Variants in NELL1 observed in about 807,000 individuals in gnomAD.
NELL1 encodes neural EGFL like 1, also known as protein kinase C-binding protein NELL1.
A neutral mutation model predicts 107.4 loss-of-function variants in NELL1; 76 were observed. That is an observed-to-expected ratio of 0.71 (90% CI 0.59 to 0.86). The LOEUF (loss-of-function observed/expected upper bound fraction) is 0.86. NELL1 is among the 40% of genes least tolerant of loss of function. NELL1 has a pLI of 0.00. For missense variants in NELL1, 1,024 were observed against 1,005.5 expected, an observed-to-expected ratio of 1.02 and a Z score of -0.25; for synonymous variants, 353 against 341.2, an observed-to-expected ratio of 1.03 and a Z score of -0.38.
At chr11:21,252,899 C>G (rs1483944993) in intron 14 of NELL1, among the ~76,000 whole-genome samples, 3 of 152,046 alleles carry the variant, frequency 2.0e-5, no homozygotes, top group African/African-American at 7.2e-5. Flanking sequence ...CAGCACCTAC[C>G]CCTGATTAAT....
At chr11:21,441,873 C>A (rs1853294448) in intron 15 of NELL1, among the ~76,000 whole-genome samples, 1 of 152,082 alleles carries the variant, frequency 6.6e-6, no homozygotes, top group Non-Finnish European at 1.5e-5. Context: ...ATTTGATTAA[C>A]AAGAGCCTGA....
chr11:21,239,992 A>G (rs925735258), intron 14 of NELL1, among the ~76,000 whole-genome samples: 4 of 152,050 alleles, frequency 2.6e-5, no homozygotes, highest in Non-Finnish European at 4.4e-5. Flanking sequence ...TGCTGGAGCC[A>G]TGGTCTCTGG....
At chr11:20,918,690 T>G (rs977759631) in intron 6 of NELL1, among the ~76,000 whole-genome samples, 2 of 151,970 alleles carry the variant, frequency 1.3e-5, no homozygotes, top group African/African-American at 4.8e-5. Flanking sequence ...AAGAATAGTA[T>G]GGGAGTAACT....
intron 14 of NELL1, among the ~76,000 whole-genome samples, chr11:21,362,134 G>C (rs1242242803): frequency 2.0e-5 from 3 of 152,162 alleles, no homozygotes; most frequent in African/African-American, 7.2e-5. Flanking sequence ...ATTCAGTGGA[G>C]AGGTCTGAAA....
Position 20,925,438 on chromosome 11 carries a change from C to CTT in NELL1, c.760-1852_760-1851dup, listed in dbSNP as rs869078958. On this transcript the variant is annotated intron_variant, in intron 7 of 19. Transcript: ENST00000357134. ...TGGTGGTACCCGCTACCACACCCGG[C>CTT]TTTTTTTTTTTTTTTTTTTGTATTT... is the stretch of plus-strand genomic sequence containing the variant. Among the ~76,000 whole-genome samples the CTT allele has an allele frequency of 5.3e-4, 65 of 122,248 alleles. 2 individuals carry two copies. In the South Asian group the frequency reaches 0.016, roughly 30 times the overall value. 80.2% of individuals were successfully genotyped at this position (122,248 alleles called of 152,430 possible). A position where few individuals can be genotyped will look rare whatever the true frequency, so the allele number is the denominator to read the frequency against.
Position 21,203,988 on chromosome 11 carries a change from C to T in NELL1, c.1427-25344C>T, listed in dbSNP as rs896303694. Among the ~76,000 whole-genome samples the T allele has an allele frequency of 1.1e-4, 17 of 152,336 alleles. No homozygotes were observed. The East Asian group carries it at 2.9e-3, about 26-fold the overall frequency. ...TTCTTTAGAGAGATCCACAGTTAGT[C>T]TGATGGGCTTCCCTTTGTGGGTAAC... On this transcript the variant is annotated intron_variant, in intron 13 of 19. Transcript: ENST00000357134.
chr11:21,527,758 C>T (rs1325034799), intron 15 of NELL1, among the ~76,000 whole-genome samples: 1 of 152,048 alleles, frequency 6.6e-6, no homozygotes, highest in Non-Finnish European at 1.5e-5. Flanking sequence ...TCCAAGAGTC[C>T]AAAAGCTGAA....
chr11:21,132,459 G>A (rs1334809085), intron 13 of NELL1, among the ~76,000 whole-genome samples: 1 of 152,182 alleles, frequency 6.6e-6, no homozygotes, highest in East Asian at 1.9e-4. Context: ...GTACAGAGCG[G>A]TGAGGGATGT....
At chr11:20,907,463 G>A (rs186196626) in intron 5 of NELL1, among the ~76,000 whole-genome samples, 24 of 152,090 alleles carry the variant, frequency 1.6e-4, no homozygotes, top group Non-Finnish European at 2.4e-4. Flanking sequence ...ATAAGCACAT[G>A]AAAAGATACT....
intron 5 of NELL1, among the ~76,000 whole-genome samples, chr11:20,909,161 A>G (rs2134144676): frequency 6.6e-6 from 1 of 152,338 alleles, no homozygotes; most frequent in South Asian, 2.1e-4. Context: ...TTAATGGTTA[A>G]CAGGGGATGG....
intron 15 of NELL1, among the ~76,000 whole-genome samples, chr11:21,403,196 T>G (rs920746184): frequency 4.0e-5 from 6 of 151,684 alleles, no homozygotes; most frequent in African/African-American, 1.5e-4. Context: ...AGGAATTCAA[T>G]CTTTACTGTA....
chr11:21,487,265 G>T (rs1183088989), intron 15 of NELL1, among the ~76,000 whole-genome samples: 2 of 152,082 alleles, frequency 1.3e-5, no homozygotes, highest in African/African-American at 4.8e-5. Context: ...GACTAACTGG[G>T]GATTTCTCAG....
At chr11:21,256,804 C>T (rs981789519) in intron 14 of NELL1, among the ~76,000 whole-genome samples, 5 of 151,832 alleles carry the variant, frequency 3.3e-5, no homozygotes, top group African/African-American at 1.2e-4. Flanking sequence ...AGGATTTGAG[C>T]TCATAGATTG....
chr11:20,967,178 T>A (rs999853343), intron 12 of NELL1, among the ~76,000 whole-genome samples: 1 of 152,142 alleles, frequency 6.6e-6, no homozygotes, highest in Non-Finnish European at 1.5e-5. Flanking sequence ...GGCCAGTTCA[T>A]AGAAGCCCAG....
chr11:20,857,307 G>GCC (rs572994070), intron 4 of NELL1, among the ~76,000 whole-genome samples: 1 of 152,058 alleles, frequency 6.6e-6, no homozygotes, highest in South Asian at 2.1e-4. Flanking sequence ...CCTGCCTATA[G>GCC]CCCCCCGAGT....
intron 2 of NELL1, among the ~76,000 whole-genome samples, chr11:20,681,285 T>C (rs930475234): frequency 2.0e-5 from 3 of 152,136 alleles, no homozygotes; most frequent in Non-Finnish European, 4.4e-5. Context: ...AATCAGACTG[T>C]AACTTCAACA....
At chr11:20,710,200 C>A (rs1169413182) in intron 2 of NELL1, among the ~76,000 whole-genome samples, 1 of 152,154 alleles carries the variant, frequency 6.6e-6, no homozygotes, top group Non-Finnish European at 1.5e-5. Context: ...TCATAGAAGG[C>A]TTTTATTACC....
intron 14 of NELL1, among the ~76,000 whole-genome samples, chr11:21,365,933 A>T (rs980044830): frequency 1.3e-5 from 2 of 152,064 alleles, no homozygotes; most frequent in Non-Finnish European, 2.9e-5. Context: ...CACTATTGAC[A>T]TTTTGGGCCA....
At chr11:20,968,940 C>T (rs772337706) in intron 12 of NELL1, among the ~76,000 whole-genome samples, 6 of 152,128 alleles carry the variant, frequency 3.9e-5, no homozygotes, top group Admixed American at 6.5e-5. Context: ...TGGTAAATTT[C>T]GTCTAGCTGT....
Sources: allele counts gnomAD v4.1 joint callset (sites outside exome capture counted in the v4.1 genomes callset), GRCh38; gene constraint gnomAD v4.1.1; transcripts MANE v1.5; gene names NCBI Gene and HGNC (gene_info 2026-07-23, HGNC 2026-07-21).